The following GRIK2 variants were observed in gnomAD, a reference collection of about 807,000 sequenced individuals.
GRIK2 encodes the protein glutamate ionotropic receptor kainate type subunit 2.
Under a neutral mutation model 100.3 loss-of-function variants are expected in GRIK2, and 32 were observed. That is an observed-to-expected ratio of 0.32 (90% confidence interval 0.24 to 0.43). The LOEUF (loss-of-function observed/expected upper bound fraction) is 0.43. Among genes scored for constraint, GRIK2 ranks in the 20% least tolerant of loss-of-function variants. GRIK2 has a pLI of 1.00. For synonymous variants in GRIK2, 417 were observed against 389.4 expected (o/e 1.07, Z -0.83); for missense variants, 843 against 1,114.9 (o/e 0.76, Z 3.47).
intron 11 of GRIK2, among the ~76,000 whole-genome samples, chr6:101,868,153 A>G (rs575340741): frequency 9.2e-5 from 14 of 151,504 alleles, no homozygotes; most frequent in Admixed American, 4.6e-4. Context: ...CTAATTTGTT[A>G]TGCAGTACAG....
At chr6:102,019,898 T>C (rs1769333169) in intron 14 of GRIK2, among the ~76,000 whole-genome samples, 1 of 152,050 alleles carries the variant, frequency 6.6e-6, no homozygotes, top group Admixed American at 6.6e-5. Flanking sequence ...TGTATTATGC[T>C]CATGATTTCT....
intron 7 of GRIK2, among the ~76,000 whole-genome samples, chr6:101,788,330 G>A (rs1779578139): frequency 1.3e-5 from 2 of 151,770 alleles, no homozygotes; most frequent in African/African-American, 4.8e-5. Flanking sequence ...TTTAGCATTA[G>A]GTATATCTCC....
chr6:101,533,964 CTT>C (rs1038227151), intron 2 of GRIK2, among the ~76,000 whole-genome samples: 44 of 151,834 alleles, frequency 2.9e-4, no homozygotes, highest in African/African-American at 9.9e-4. Flanking sequence ...CATACACCCT[CTT>C]TCCTTTCATA....
intron 4 of GRIK2, among the ~76,000 whole-genome samples, chr6:101,641,833 A>G (rs1018717740): frequency 6.6e-6 from 1 of 152,104 alleles, no homozygotes; most frequent in Admixed American, 6.6e-5. Context: ...AGAGATAAAT[A>G]GAATGGTTTT....
chr6:101,490,132 G>A (rs1230940296), intron 2 of GRIK2, among the ~76,000 whole-genome samples: 2 of 144,390 alleles, frequency 1.4e-5, no homozygotes, highest in African/African-American at 5.4e-5. Context: ...ACAGAAGAAT[G>A]AAACATAGAC....
At chr6:102,050,721 A>C (rs1320356740) in intron 15 of GRIK2, among the ~76,000 whole-genome samples, 1 of 151,008 alleles carries the variant, frequency 6.6e-6, no homozygotes, top group Non-Finnish European at 1.5e-5. Flanking sequence ...AAAAAGAAAA[A>C]GGAAAGGGAA....
chr6:101,695,829 G>A (rs963873364), intron 7 of GRIK2, among the ~76,000 whole-genome samples: 3 of 151,804 alleles, frequency 2.0e-5, no homozygotes, highest in Admixed American at 6.6e-5. Context: ...ACCTACATTT[G>A]GACAAAATCA....
At chr6:101,829,980 A>G (rs536908696) in intron 10 of GRIK2, among the ~76,000 whole-genome samples, 6 of 151,990 alleles carry the variant, frequency 3.9e-5, no homozygotes, top group African/African-American at 1.4e-4. Flanking sequence ...GCAACTCTAT[A>G]CAAAAAGAGA....
intron 12 of GRIK2, among the ~76,000 whole-genome samples, chr6:101,897,928 A>T (rs2128460400): frequency 6.6e-6 from 1 of 151,970 alleles, no homozygotes; most frequent in South Asian, 2.1e-4. Context: ...ATTTGGGGTA[A>T]GAGTCCTTTC....
intron 2 of GRIK2, among the ~76,000 whole-genome samples, chr6:101,471,452 C>A (rs757039653): frequency 6.6e-6 from 1 of 151,894 alleles, no homozygotes; most frequent in Non-Finnish European, 1.5e-5. Flanking sequence ...TAAAGGAGAC[C>A]TTTACATGTT....
chr6:101,570,825 C>A (rs1223572127), intron 2 of GRIK2, among the ~76,000 whole-genome samples: 1 of 152,068 alleles, frequency 6.6e-6, no homozygotes, highest in African/African-American at 2.4e-5. Flanking sequence ...AGTTGAGTAA[C>A]TTTCTCAGGC....
intron 7 of GRIK2, among the ~76,000 whole-genome samples, chr6:101,768,896 A>G (rs1778216505): frequency 6.6e-6 from 1 of 152,214 alleles, no homozygotes; most frequent in African/African-American, 2.4e-5. Context: ...TAGGTATTAT[A>G]GAAAGTAACC....
intron 11 of GRIK2, 31 bp from the exon 12 acceptor site, chr6:101,889,609 T>C (rs567450412): frequency 1.1e-4 from 101 of 887,388 alleles, no homozygotes; most frequent in Middle Eastern, 9.3e-4. Context: ...TTCTTTCTTT[T>C]TTTTTTTTTT....
intron 1 of GRIK2, among the ~76,000 whole-genome samples, chr6:101,396,499 G>A (rs1775015415): frequency 6.6e-6 from 1 of 151,980 alleles, no homozygotes; most frequent in East Asian, 1.9e-4. Context: ...AATATAAGTA[G>A]TTTTTTTAAC....
intron 2 of GRIK2, among the ~76,000 whole-genome samples, chr6:101,442,519 A>G (rs2788274): frequency 0.33 from 50,500 of 151,956 alleles, 8,844 homozygotes; most frequent in Middle Eastern, 0.4. Context: ...ACATGCTGCC[A>G]GATTTCTTGA....
At chr6:101,733,113 T>G (rs2128372404) in intron 7 of GRIK2, among the ~76,000 whole-genome samples, 1 of 152,190 alleles carries the variant, frequency 6.6e-6, no homozygotes, top group Non-Finnish European at 1.5e-5. Context: ...ACCCCAAAAT[T>G]CATGTCCTCA....
chr6:101,554,963 A>C (rs888062189), intron 2 of GRIK2, among the ~76,000 whole-genome samples: 1 of 152,204 alleles, frequency 6.6e-6, no homozygotes, highest in African/African-American at 2.4e-5. Context: ...GCTACATAGA[A>C]AAGATTTTAA....
chr6:101,799,496 G>A, intron 7 of GRIK2, 152 bp from the exon 8 acceptor site: 1 of 605,894 alleles, frequency 1.7e-6, no homozygotes, highest in East Asian at 2.7e-5. Context: ...TTAAGAGAAC[G>A]AGAGCATGTT....
intron 7 of GRIK2, among the ~76,000 whole-genome samples, chr6:101,732,504 T>C (rs1054988693): frequency 6.6e-6 from 1 of 152,158 alleles, no homozygotes; most frequent in Non-Finnish European, 1.5e-5. Flanking sequence ...TATTTCATGG[T>C]TCATTTTTAT....
Sources: gnomAD v4.1 joint callset for allele counts (sites outside exome capture counted in the v4.1 genomes callset) on GRCh38, gnomAD v4.1.1 for gene constraint, MANE v1.5 for transcripts, NCBI Gene and HGNC (gene_info 2026-07-23, HGNC 2026-07-21) for gene names.